Variants in SHISA6 observed in about 807,000 individuals in gnomAD.
The protein encoded by SHISA6 is protein shisa-6.
Under a neutral mutation model 47.9 loss-of-function variants are expected in SHISA6, and 22 were observed. The ratio of observed to expected loss-of-function variants is 0.46; its 90% CI spans 0.33 to 0.66. The LOEUF (loss-of-function observed/expected upper bound fraction) is 0.66, where lower values mean the gene tolerates loss of function less well. Ranked by LOEUF, SHISA6 falls within the 30% of genes least tolerant of loss-of-function variation. The pLI is 0.02. For missense variants in SHISA6, 680 were observed against 764.6 expected (o/e 0.89, Z 1.30); for synonymous variants, 388 against 337.8 (o/e 1.15, Z -1.63).
chr17:11,358,553 G>T (rs901071830), intron 2 of SHISA6, among the ~76,000 whole-genome samples: 2 of 151,748 alleles, frequency 1.3e-5, no homozygotes, highest in African/African-American at 2.4e-5. Context: ...TAGAGACAGG[G>T]TTTCACCATG....
chr17:11,310,581 G>A (rs768597899), intron 2 of SHISA6, among the ~76,000 whole-genome samples: 4 of 152,166 alleles, frequency 2.6e-5, no homozygotes, highest in African/African-American at 4.8e-5. Context: ...GAAAGACCTC[G>A]TGGGCCAGAG....
At chr17:11,285,617 G>A (rs983619114) in intron 2 of SHISA6, among the ~76,000 whole-genome samples, 1 of 152,176 alleles carries the variant, frequency 6.6e-6, no homozygotes, top group Admixed American at 6.5e-5. Flanking sequence ...GGACTGATGG[G>A]ACAGGAATCA....
At chr17:11,513,495 T>C (rs1028017655) in intron 3 of SHISA6, among the ~76,000 whole-genome samples, 8 of 152,156 alleles carry the variant, frequency 5.3e-5, no homozygotes, top group Admixed American at 4.6e-4. Flanking sequence ...AGCAGTTGCT[T>C]TTTAAGTCTC....
At chr17:11,425,568 GAC>G (rs1914587310) in intron 3 of SHISA6, among the ~76,000 whole-genome samples, 1 of 152,102 alleles carries the variant, frequency 6.6e-6, no homozygotes, top group African/African-American at 2.4e-5. Flanking sequence ...GGCTTCAAGT[GAC>G]AGAGAATTCA....
At chr17:11,343,174 T>C (rs1179951980) in intron 2 of SHISA6, among the ~76,000 whole-genome samples, 1 of 152,228 alleles carries the variant, frequency 6.6e-6, no homozygotes, top group African/African-American at 2.4e-5. Flanking sequence ...GGATAGTAAC[T>C]GAAAATTGTG....
chr17:11,393,241 C>T (rs1041825065), intron 3 of SHISA6, among the ~76,000 whole-genome samples: 1 of 152,228 alleles, frequency 6.6e-6, no homozygotes, highest in Admixed American at 6.5e-5. Context: ...AAGCAGCACT[C>T]TACACACTGC....
intron 2 of SHISA6, among the ~76,000 whole-genome samples, chr17:11,367,653 T>C (rs1011220189): frequency 4.6e-5 from 7 of 152,072 alleles, no homozygotes; most frequent in Non-Finnish European, 1.0e-4. Context: ...ACATCTAAAG[T>C]CCCACATCTA....
intron 3 of SHISA6, among the ~76,000 whole-genome samples, chr17:11,434,872 T>C (rs1389460932): frequency 6.6e-6 from 1 of 152,196 alleles, no homozygotes; most frequent in Non-Finnish European, 1.5e-5. Flanking sequence ...CTTCCTACCT[T>C]AGCCTATTTC....
At chr17:11,305,677 A>C (rs2142181393) in intron 2 of SHISA6, among the ~76,000 whole-genome samples, 1 of 152,272 alleles carries the variant, frequency 6.6e-6, no homozygotes, top group African/African-American at 2.4e-5. Flanking sequence ...CAGAACCCGG[A>C]ACATTTTCTT....
At chr17:11,437,542 T>C (rs1914973130) in intron 3 of SHISA6, among the ~76,000 whole-genome samples, 1 of 152,200 alleles carries the variant, frequency 6.6e-6, no homozygotes, top group Non-Finnish European at 1.5e-5. Context: ...GTTCAAGTTG[T>C]TGATACACTT....
chr17:11,416,530 T>A (rs965070899), intron 3 of SHISA6, among the ~76,000 whole-genome samples: 4 of 152,220 alleles, frequency 2.6e-5, no homozygotes, highest in Non-Finnish European at 5.9e-5. Context: ...TAATGTGTAG[T>A]GCATTTTAAA....
chr17:11,494,290 T>C (rs1349314927), intron 3 of SHISA6, among the ~76,000 whole-genome samples: 1 of 152,180 alleles, frequency 6.6e-6, no homozygotes, highest in Non-Finnish European at 1.5e-5. Flanking sequence ...GCCCCAGCTC[T>C]CCTCTGCTGT....
In SHISA6 at chr17:11,445,914, G is replaced by C. The variant is rs765213607; in HGVS notation, c.895+66405G>C. Among the ~76,000 whole-genome samples, 32 of 152,308 alleles carry C rather than the reference G, an allele frequency of 2.1e-4. 1 individual carries two copies. The highest frequency in any genetic ancestry group is 6.5e-4 in the Admixed American group (10 of 15,300). On this transcript the variant is annotated intron_variant, in intron 3 of 5. Transcript: ENST00000441885. ...GCAATCTTGGCTCACTGCAACCTCTGCCTCCTGGGTTCAAGCGATTCTCCT... is the reference window on the plus strand; with the variant it reads ...GCAATCTTGGCTCACTGCAACCTCTCCCTCCTGGGTTCAAGCGATTCTCCT...
intron 2 of SHISA6, among the ~76,000 whole-genome samples, chr17:11,325,224 G>C (rs1343622146): frequency 6.6e-6 from 1 of 152,208 alleles, no homozygotes; most frequent in Non-Finnish European, 1.5e-5. Context: ...TGGCCTCTGT[G>C]TTTCAGTTCA....
At chr17:11,493,910 T>A (rs1012775143) in intron 3 of SHISA6, among the ~76,000 whole-genome samples, 150 of 115,934 alleles carry the variant, frequency 1.3e-3, no homozygotes, top group African/African-American at 4.1e-3. Flanking sequence ...CTGTTCTCCC[T>A]TCTATTTTTT....
At chr17:11,328,369 G>T (rs1199766663) in intron 2 of SHISA6, among the ~76,000 whole-genome samples, 1 of 152,162 alleles carries the variant, frequency 6.6e-6, no homozygotes, top group Non-Finnish European at 1.5e-5. Context: ...CACAGCTCTG[G>T]GGCTAGCCTT....
intron 3 of SHISA6, among the ~76,000 whole-genome samples, chr17:11,540,025 C>T (rs922891296): frequency 6.6e-6 from 1 of 152,198 alleles, no homozygotes; most frequent in Non-Finnish European, 1.5e-5. Flanking sequence ...ATTCGGTGTA[C>T]GTCATGAATT....
chr17:11,506,550 G>C (rs2142351226), intron 3 of SHISA6, among the ~76,000 whole-genome samples: 1 of 152,248 alleles, frequency 6.6e-6, no homozygotes, highest in Middle Eastern at 3.4e-3. Context: ...TGAGCTCCAG[G>C]AAGTTAAACT....
At position 11,562,251 on chromosome 17, in the gene SHISA6, C is replaced by G. The variant is rs573548553; in HGVS notation, c.*3947C>G. 3 of 152,236 alleles carry G rather than the reference C, an allele frequency of 2.0e-5. No homozygotes were observed. In the East Asian group the frequency reaches 5.8e-4, roughly 30 times the overall value. 9.4% of individuals were successfully genotyped at this position (152,236 alleles called of 1,614,324 possible). On this transcript the variant is annotated 3_prime_UTR_variant, in exon 6 of 6. Coordinates refer to ENST00000441885, the MANE Select transcript of SHISA6 (RefSeq NM_207386.4). ...TTCTTCAGAGATACCTTGTCTGTCA[C>G]CAGCCTCCAACTTCATATTCCTTCC...
Sources: gnomAD v4.1 joint callset for allele counts (sites outside exome capture counted in the v4.1 genomes callset) on GRCh38, gnomAD v4.1.1 for gene constraint, MANE v1.5 for transcripts, NCBI Gene and HGNC (gene_info 2026-07-23, HGNC 2026-07-21) for gene names.